The following HMCN1 variants were observed in gnomAD, a reference collection of about 807,000 sequenced individuals.
The protein encoded by HMCN1 is hemicentin-1.
HMCN1 carries 321 observed loss-of-function variants against 625.9 expected under a neutral mutation model. That is an observed-to-expected ratio of 0.51 (90% CI 0.47 to 0.56). HMCN1 has a LOEUF of 0.56. HMCN1 is among the 20% of genes least tolerant of loss of function. HMCN1 has a pLI of 0.00. For missense variants in HMCN1, 6,588 were observed against 6,887.3 expected (o/e 0.96, Z 1.54); for synonymous variants, 2,425 against 2,417.6 (o/e 1.00, Z -0.09).
At chr1:186,080,352 A>C (rs943908604) in intron 55 of HMCN1, among the ~76,000 whole-genome samples, 2 of 152,306 alleles carry the variant, frequency 1.3e-5, no homozygotes, top group Admixed American at 6.5e-5. Context: ...GTGGGGGGGA[A>C]ATAAGCTTTC....
At position 186,095,525 on chromosome 1, in the gene HMCN1, T is replaced by C. The variant is rs755997955; in HGVS notation, c.10573+4T>C. The C allele has an allele frequency of 1.2e-6, 2 of 1,612,320 alleles. No homozygotes were observed. The highest frequency in any genetic ancestry group is 8.5e-7 in the Non-Finnish European group (1 of 1,178,678). ...CACTTTATCCTCAAGGTCCTAGGTA[T>C]GTAAACATTGTGGTAAATGTAGAAT... On this transcript the variant is annotated splice_donor_region_variant and intron_variant, in intron 68 of 106. Coordinates refer to ENST00000271588, the MANE Select transcript of HMCN1 (RefSeq NM_031935.3).
chr1:185,739,020 CT>C (rs59926577), intron 1 of HMCN1, among the ~76,000 whole-genome samples: 4,661 of 152,252 alleles, frequency 0.031, 245 homozygotes, highest in African/African-American at 0.11. Flanking sequence ...CATCCTCCCC[CT>C]ATCCTCTAAT....
chr1:185,845,007 C>T (rs1661722530), intron 1 of HMCN1, among the ~76,000 whole-genome samples: 2 of 152,160 alleles, frequency 1.3e-5, no homozygotes, highest in African/African-American at 4.8e-5. Context: ...AAGGCAGTGG[C>T]CCCACCTTTT....
Position 185,952,009 on chromosome 1 carries a change from T to A in HMCN1, c.1829-10509T>A, listed in dbSNP as rs967663190. 8.2e-4 allele frequency among the ~76,000 whole-genome samples: 124 copies of A among 151,266 alleles called. 3 individuals carry two copies. The highest frequency in any genetic ancestry group is 2.6e-3 in the African/African-American group (105 of 41,138). ...GAGCAGATTGGGTAATAAAATGTAT[T>A]TTGAGAATAAGACGGCCTTTAGACC... On this transcript the variant is annotated intron_variant, in intron 11 of 106. Transcript: ENST00000271588.
chr1:185,985,103 A>G (rs1404026310), intron 19 of HMCN1, among the ~76,000 whole-genome samples: 1 of 152,144 alleles, frequency 6.6e-6, no homozygotes, highest in Non-Finnish European at 1.5e-5. Flanking sequence ...TGTTTGGTCT[A>G]TTGACAATAT....
chr1:186,028,055 A>G (rs1387140447), intron 36 of HMCN1, among the ~76,000 whole-genome samples: 2 of 152,048 alleles, frequency 1.3e-5, no homozygotes, highest in Non-Finnish European at 2.9e-5. Context: ...CTATTTCACA[A>G]TTTCACTAGA....
chr1:185,796,265 A>G (rs1174893186), intron 1 of HMCN1, among the ~76,000 whole-genome samples: 1 of 152,130 alleles, frequency 6.6e-6, no homozygotes, highest in African/African-American at 2.4e-5. Context: ...AGGAGAATCT[A>G]ATTCCCTCAT....
intron 1 of HMCN1, among the ~76,000 whole-genome samples, chr1:185,797,749 G>A (rs1444709275): frequency 1.6e-5 from 2 of 128,580 alleles, no homozygotes; most frequent in Non-Finnish European, 3.0e-5. Flanking sequence ...GGCGGATCAC[G>A]AGGTCAGGAG....
In HMCN1 at chr1:185,951,793, C is replaced by T. The variant is rs191995498; in HGVS notation, c.1829-10725C>T. On this transcript the variant is annotated intron_variant, in intron 11 of 106. Transcript: ENST00000271588. ...CCTGGGGGAGGAGGTTCTGGAGGAA[C>T]GCCTGGCTGCTGCGGTTCAGGCATT... Among the ~76,000 whole-genome samples, 1,116 of 150,664 alleles carry T rather than the reference C, an allele frequency of 7.4e-3. 18 individuals carry two copies. Among genetic ancestry groups the T allele is most frequent in the African/African-American group, 0.018 (729 of 40,186 alleles).
rs763371577 is a variant in HMCN1, at chr1:186,119,301, A to T, written c.11956+3A>T. Reference sequence around the variant, plus strand: ...ACACGTGACCCTTCATGTTCATGGTATGGAAGGCTATTTACTCATTCAAAG... The same window carrying T: ...ACACGTGACCCTTCATGTTCATGGTTTGGAAGGCTATTTACTCATTCAAAG... On this transcript the variant is annotated splice_donor_region_variant and intron_variant, in intron 78 of 106. Transcript: ENST00000271588. The T allele has an allele frequency of 1.9e-6, 3 of 1,607,636 alleles. No homozygotes were observed. In the African/African-American group the frequency reaches 4.0e-5, roughly 22 times the overall value.
intron 68 of HMCN1, among the ~76,000 whole-genome samples, chr1:186,103,032 C>A (rs1660453567): frequency 6.6e-6 from 1 of 152,030 alleles, no homozygotes; most frequent in African/African-American, 2.4e-5. Flanking sequence ...CAAAGTTCTG[C>A]ATGGAAAAGA....
intron 1 of HMCN1, among the ~76,000 whole-genome samples, chr1:185,737,610 A>G (rs1263548305): frequency 2.6e-5 from 4 of 152,204 alleles, no homozygotes; most frequent in Admixed American, 2.6e-4. Context: ...TCTTTTACAT[A>G]TGGTTGTTTT....
intron 4 of HMCN1, among the ~76,000 whole-genome samples, chr1:185,881,738 A>G (rs924139509): frequency 6.6e-6 from 1 of 152,200 alleles, no homozygotes; most frequent in African/African-American, 2.4e-5. Context: ...ATGAATTTAG[A>G]CAAAGTCTGT....
At chr1:185,933,848 A>G (rs1427931847) in intron 11 of HMCN1, 24 bp downstream of exon 11, 2 of 1,608,664 alleles carry the variant, frequency 1.2e-6, no homozygotes, top group East Asian at 2.2e-5. Flanking sequence ...GTAACTTCTG[A>G]ATTATGACAT....
At chr1:185,954,767 A>G (rs1449546146) in intron 11 of HMCN1, among the ~76,000 whole-genome samples, 1 of 152,082 alleles carries the variant, frequency 6.6e-6, no homozygotes, top group African/African-American at 2.4e-5. Flanking sequence ...ATCATACCTT[A>G]CTTCTCTCTC....
intron 11 of HMCN1, among the ~76,000 whole-genome samples, chr1:185,957,752 C>T (rs542447504): frequency 6.6e-6 from 1 of 152,212 alleles, no homozygotes; most frequent in Admixed American, 6.5e-5. Context: ...GGGTGGATGT[C>T]TGTCATTAAT....
chr1:186,161,249 C>T (rs1184940465), intron 97 of HMCN1, among the ~76,000 whole-genome samples: 2 of 151,316 alleles, frequency 1.3e-5, no homozygotes, highest in African/African-American at 4.9e-5. Flanking sequence ...CAACCCCTGC[C>T]TTTTTTTGTT....
At chr1:186,055,753 G>A in intron 45 of HMCN1, 79 bp downstream of exon 45, 3 of 1,332,312 alleles carry the variant, frequency 2.3e-6, no homozygotes, top group Non-Finnish European at 3.2e-6. Context: ...TAGGCCTCAA[G>A]TACTGAAAGT....
chr1:186,157,572 G>C (rs932428085), intron 97 of HMCN1, among the ~76,000 whole-genome samples: 2 of 152,106 alleles, frequency 1.3e-5, no homozygotes, highest in African/African-American at 4.8e-5. Context: ...TGACATGCTG[G>C]TGCGCTGCAC....
Sources: gnomAD v4.1 joint callset for allele counts (sites outside exome capture counted in the v4.1 genomes callset) on GRCh38, gnomAD v4.1.1 for gene constraint, MANE v1.5 for transcripts, NCBI Gene and HGNC (gene_info 2026-07-23, HGNC 2026-07-21) for gene names.